The following RAI14 variants were observed in gnomAD, a reference collection of about 807,000 sequenced individuals.
The protein encoded by RAI14 is retinoic acid induced 14, also known as ankycorbin.
A neutral mutation model predicts 115.4 loss-of-function variants in RAI14; 45 were observed. The ratio of observed to expected loss-of-function variants is 0.39; its 90% CI spans 0.31 to 0.50. The LOEUF (loss-of-function observed/expected upper bound fraction) is 0.50, where lower values mean the gene tolerates loss of function less well. Ranked by LOEUF, RAI14 falls within the 20% of genes least tolerant of loss-of-function variation. The pLI is 0.85. For synonymous variants in RAI14, 371 were observed against 415.4 expected, an observed-to-expected ratio of 0.89 and a Z score of 1.30; for missense variants, 939 against 1,131.2, an observed-to-expected ratio of 0.83 and a Z score of 2.44.
chr5:34,657,283 T>C (rs1293035088), intron 1 of RAI14: 1 of 129,546 alleles, frequency 7.7e-6, no homozygotes, highest in East Asian at 2.2e-4. Context: ...CTTCGCTGCC[T>C]TCTTGGGCAG....
intron 2 of RAI14, among the ~76,000 whole-genome samples, chr5:34,751,388 C>A (rs182262501): frequency 6.6e-6 from 1 of 152,148 alleles, no homozygotes; most frequent in East Asian, 1.9e-4. Context: ...AGTGATCTGC[C>A]CACCTCGGCC....
intron 2 of RAI14, among the ~76,000 whole-genome samples, chr5:34,725,414 G>A (rs1248354427): frequency 6.6e-6 from 1 of 152,074 alleles, no homozygotes; most frequent in Non-Finnish European, 1.5e-5. Context: ...AGAAGCAATA[G>A]AAGAAGTCAC....
intron 1 of RAI14, among the ~76,000 whole-genome samples, chr5:34,680,152 A>G (rs1435041696): frequency 6.6e-6 from 1 of 152,232 alleles, no homozygotes; most frequent in Non-Finnish European, 1.5e-5. Flanking sequence ...CCCAGGGTCC[A>G]AAGGAGTCAG....
chr5:34,724,525 G>A (rs1165780477), intron 2 of RAI14, among the ~76,000 whole-genome samples: 1 of 152,128 alleles, frequency 6.6e-6, no homozygotes, highest in Non-Finnish European at 1.5e-5. Context: ...AGGAAGCCAT[G>A]GAGAATAAGA....
chr5:34,665,534 C>T (rs1022346642), intron 1 of RAI14, among the ~76,000 whole-genome samples: 9 of 148,782 alleles, frequency 6.0e-5, no homozygotes, highest in Non-Finnish European at 1.3e-4. Flanking sequence ...ATTTGCAAAC[C>T]AGAGAAAACC....
chr5:34,816,802 C>T (rs554363138), intron 12 of RAI14, among the ~76,000 whole-genome samples: 3 of 151,820 alleles, frequency 2.0e-5, no homozygotes, highest in East Asian at 3.9e-4. Context: ...ATAGTTAGTA[C>T]GATAATATCT....
In RAI14 at chr5:34,823,282, C is replaced by G. The variant is rs766496848; in HGVS notation, c.1440C>G (p.Asp480Glu). 6.2e-7 allele frequency: 1 copy of G among 1,613,936 alleles called. No individual in the cohort carries two copies. Among genetic ancestry groups the G allele is most frequent in the Non-Finnish European group, 8.5e-7 (1 of 1,179,954 alleles). The change falls in exon 15 of 18, where the codon GAC becomes GAG. Residue 480 changes from aspartate to glutamate, a missense_variant. Transcript: ENST00000265109. This position sits in a 1 kb window ranked among gnomAD's most constrained non-coding sequence, Gnocchi z 4.5. ...NNTEISENSS[D>E]LSQKLKETQS... is the part of the protein sequence containing the mutation. The stretch of plus-strand genomic sequence containing the variant: ...CTGAGATTTCAGAGAACAGCTCTGA[C>G]CTCAGCCAGAAACTTAAAGAAACTC...
chr5:34,742,147 C>T (rs1207516818), intron 2 of RAI14, among the ~76,000 whole-genome samples: 2 of 152,124 alleles, frequency 1.3e-5, no homozygotes, highest in African/African-American at 2.4e-5. Flanking sequence ...GATGAAGCTT[C>T]TCCAGCTTGG....
Position 34,757,560 on chromosome 5 carries a change from G to T in RAI14, c.129G>T (p.Gly43=), listed in dbSNP as rs370049571. ...EKVASLLGKK[G]ASATKHDSEG... ...TGGCCTCACTGCTCGGCAAGAAGGG[G>T]GCCAGTGCCACCAAACACGACAGTG... Residue 43 remains glycine (G), a synonymous_variant, in exon 3 of 18, where the codon GGG becomes GGT. Coordinates refer to ENST00000265109, the MANE Select transcript of RAI14 (RefSeq NM_015577.3). 1.3e-4 allele frequency: 216 copies of T among 1,613,868 alleles called. 2 individuals are homozygous for T. In the East Asian group the frequency reaches 3.9e-3, roughly 29 times the overall value.
rs560802191 is a variant in RAI14 at position 34,761,461 on chromosome 5, G to A, written c.167+3863G>A. ...CCCAAAGTGTTGGGATTACAGGCATGAGCCACCATTCCCAGCCTTCTATTT... is the reference window on the plus strand; with the variant it reads ...CCCAAAGTGTTGGGATTACAGGCATAAGCCACCATTCCCAGCCTTCTATTT... On this transcript the variant is annotated intron_variant, in intron 3 of 17. Coordinates refer to ENST00000265109, the MANE Select transcript of RAI14 (RefSeq NM_015577.3). 5.3e-5 allele frequency among the ~76,000 whole-genome samples: 8 copies of A among 152,306 alleles called. No homozygotes were observed. In the South Asian group the frequency reaches 1.4e-3, roughly 28 times the overall value.
At chr5:34,807,240 A>C (rs1580326742) in intron 5 of RAI14, among the ~76,000 whole-genome samples, 3 of 152,108 alleles carry the variant, frequency 2.0e-5, no homozygotes, top group South Asian at 4.2e-4. Context: ...CGCAAGAGGA[A>C]AAGCAGAATA....
rs1755976422 is a variant in RAI14 at position 34,814,614 on chromosome 5, C to CT, written c.886dup (p.Ser296PhefsTer14). 1 of 1,613,422 alleles carries CT rather than the reference C, an allele frequency of 6.2e-7. No individual in the cohort carries two copies. The highest frequency in any genetic ancestry group is 8.5e-7 in the Non-Finnish European group (1 of 1,179,586). On this transcript the variant is annotated frameshift_variant, in exon 12 of 18. Coordinates refer to ENST00000265109, the MANE Select transcript of RAI14 (RefSeq NM_015577.3). LOFTEE classifies it high-confidence loss of function. Reference sequence around the variant, plus strand: ...GATGTCTCTTCCCCAAGATCAATAACTTCGACTCCACTATCGGGAAAGGAA... The same window carrying CT: ...GATGTCTCTTCCCCAAGATCAATAACTTTCGACTCCACTATCGGGAAAGGAA...
At chr5:34,672,190 G>T (rs1347859345) in intron 1 of RAI14, among the ~76,000 whole-genome samples, 1 of 152,136 alleles carries the variant, frequency 6.6e-6, no homozygotes, top group African/African-American at 2.4e-5. Context: ...GATTTTGTAG[G>T]CTGGGGTCCT....
intron 2 of RAI14, among the ~76,000 whole-genome samples, chr5:34,752,452 C>T (rs188530127): frequency 2.6e-5 from 4 of 151,962 alleles, no homozygotes; most frequent in East Asian, 3.9e-4. Context: ...AACCAGGATG[C>T]GATATTTCAT....
At chr5:34,668,547 G>A (rs1743389751) in intron 1 of RAI14, among the ~76,000 whole-genome samples, 1 of 152,134 alleles carries the variant, frequency 6.6e-6, no homozygotes, top group African/African-American at 2.4e-5. Context: ...TATCATGGGT[G>A]CAAGTTGATT....
At chr5:34,798,363 A>AG (rs1561049158) in intron 4 of RAI14, among the ~76,000 whole-genome samples, 1 of 123,894 alleles carries the variant, frequency 8.1e-6, no homozygotes, top group African/African-American at 2.8e-5. Context: ...TTTTTTTTTA[A>AG]TACATGCTTA....
At chr5:34,693,745 G>A (rs1254701877) in intron 2 of RAI14, among the ~76,000 whole-genome samples, 1 of 152,162 alleles carries the variant, frequency 6.6e-6, no homozygotes, top group Non-Finnish European at 1.5e-5. Flanking sequence ...TTGCTAACAG[G>A]TTGCTGGTTC....
At chr5:34,764,115 T>C (rs1262722888) in intron 3 of RAI14, among the ~76,000 whole-genome samples, 2 of 152,276 alleles carry the variant, frequency 1.3e-5, no homozygotes, top group East Asian at 3.9e-4. Context: ...CCTCCCAAAG[T>C]GCTGGGATTA....
chr5:34,668,072 A>G (rs1743348230), intron 1 of RAI14, among the ~76,000 whole-genome samples: 1 of 152,124 alleles, frequency 6.6e-6, no homozygotes, highest in Non-Finnish European at 1.5e-5. Flanking sequence ...AGGCTCATGG[A>G]CAACCGGCTG....
Sources: allele counts gnomAD v4.1 joint callset (sites outside exome capture counted in the v4.1 genomes callset), GRCh38; gene constraint gnomAD v4.1.1; non-coding constraint Gnocchi (gnomAD v3.1); transcripts MANE v1.5; gene names NCBI Gene and HGNC (gene_info 2026-07-23, HGNC 2026-07-21).